The following SLC14A2 variants were observed in gnomAD, a reference collection of about 807,000 sequenced individuals.
The protein encoded by SLC14A2 is solute carrier family 14 member 2, also known as urea transporter 2.
A neutral mutation model predicts 104.6 loss-of-function variants in SLC14A2; 91 were observed. The observed-to-expected ratio is 0.87, with a 90% CI of 0.73 to 1.04. SLC14A2 has a LOEUF of 1.04. Among genes scored for constraint, SLC14A2 ranks in the 50% least tolerant of loss-of-function variants. SLC14A2 has a pLI of 0.00. For missense variants in SLC14A2, 1,189 were observed against 1,156.0 expected (o/e 1.03, Z -0.41); for synonymous variants, 476 against 466.4 (o/e 1.02, Z -0.27).
intron 1 of SLC14A2, among the ~76,000 whole-genome samples, chr18:45,222,667 A>G (rs940332244): frequency 6.8e-6 from 1 of 146,790 alleles, no homozygotes; most frequent in African/African-American, 2.6e-5. Context: ...AAGCTTATTC[A>G]AGGAAGAGTC....
intron 1 of SLC14A2, among the ~76,000 whole-genome samples, chr18:45,301,384 G>A (rs1461270595): frequency 6.6e-6 from 1 of 152,160 alleles, no homozygotes; most frequent in Non-Finnish European, 1.5e-5. Context: ...ACTTCCAGTG[G>A]AAAAAGACAA....
chr18:45,366,594 C>A (rs919354534), intron 1 of SLC14A2, among the ~76,000 whole-genome samples: 1 of 152,142 alleles, frequency 6.6e-6, no homozygotes, highest in Non-Finnish European at 1.5e-5. Context: ...CTCCTATCAC[C>A]CAGAAGCTGC....
chr18:45,200,505 T>C, the SLC14A2 span, among the ~76,000 whole-genome samples: 2 of 152,224 alleles, frequency 1.3e-5, no homozygotes, highest in Non-Finnish European at 2.9e-5. Context: ...GTATAAGTAA[T>C]GTCAATATTT....
At chr18:45,619,711 C>T (rs923610901) in intron 1 of SLC14A2, among the ~76,000 whole-genome samples, 2 of 151,748 alleles carry the variant, frequency 1.3e-5, no homozygotes, top group Non-Finnish European at 2.9e-5. Flanking sequence ...GGACGTGGCT[C>T]GGGCAGGGAT....
intron 1 of SLC14A2, among the ~76,000 whole-genome samples, chr18:45,239,218 G>A (rs898372890): frequency 6.6e-6 from 1 of 152,152 alleles, no homozygotes; most frequent in East Asian, 1.9e-4. Flanking sequence ...ATCCCCCCAA[G>A]TACCAAGTAA....
chr18:45,454,652 CTT>C (rs2086912485), intron 1 of SLC14A2, among the ~76,000 whole-genome samples: 1 of 152,154 alleles, frequency 6.6e-6, no homozygotes, highest in African/African-American at 2.4e-5. Flanking sequence ...ACATTTAAGT[CTT>C]TAATCCACCT....
intron 1 of SLC14A2, among the ~76,000 whole-genome samples, chr18:45,473,243 C>T (rs2264282): frequency 0.21 from 31,932 of 152,048 alleles, 3,769 homozygotes; most frequent in Non-Finnish European, 0.27. Flanking sequence ...TATATATCTG[C>T]TTTGGTACCA....
intron 2 of SLC14A2, among the ~76,000 whole-genome samples, chr18:45,483,823 C>T (rs2087542699): frequency 6.6e-6 from 1 of 152,130 alleles, no homozygotes; most frequent in Admixed American, 6.5e-5. Context: ...ACTGTTTTGC[C>T]AGGCATCGAT....
At chr18:45,241,379 T>C (rs1455618923) in intron 1 of SLC14A2, among the ~76,000 whole-genome samples, 1 of 152,132 alleles carries the variant, frequency 6.6e-6, no homozygotes, top group Non-Finnish European at 1.5e-5. Flanking sequence ...GCCAGTTAGG[T>C]AAGAGATGCT....
intron 1 of SLC14A2, among the ~76,000 whole-genome samples, chr18:45,293,701 T>C (rs1204624433): frequency 6.6e-6 from 1 of 152,234 alleles, no homozygotes; most frequent in Non-Finnish European, 1.5e-5. Context: ...AAGATGCCAG[T>C]GTGCAGTGTG....
intron 18 of SLC14A2, among the ~76,000 whole-genome samples, chr18:45,675,233 C>T (rs2046206676): frequency 6.6e-6 from 1 of 152,190 alleles, no homozygotes; most frequent in South Asian, 2.1e-4. Context: ...TTTAGACAGA[C>T]TACACAGTAA....
At chr18:45,289,675 G>A (rs1031649529) in intron 1 of SLC14A2, among the ~76,000 whole-genome samples, 13 of 152,158 alleles carry the variant, frequency 8.5e-5, no homozygotes, top group African/African-American at 3.1e-4. Flanking sequence ...TCTATCCCAA[G>A]CATGTGTGTT....
chr18:45,416,766 A>G (rs2086282301), intron 1 of SLC14A2, among the ~76,000 whole-genome samples: 1 of 152,232 alleles, frequency 6.6e-6, no homozygotes, highest in Non-Finnish European at 1.5e-5. Flanking sequence ...AGCTGCCATC[A>G]AAACCAGCAG....
At chr18:45,267,356 C>A (rs1217189514) in intron 1 of SLC14A2, among the ~76,000 whole-genome samples, 1 of 152,094 alleles carries the variant, frequency 6.6e-6, no homozygotes, top group Non-Finnish European at 1.5e-5. Context: ...ATTTTCTGAG[C>A]TCCCACCCTT....
chr18:45,173,632 T>G, the SLC14A2 span, among the ~76,000 whole-genome samples: 1 of 152,134 alleles, frequency 6.6e-6, no homozygotes, highest in South Asian at 2.1e-4. Context: ...AGTGGCAACT[T>G]GGAAGGTTTT....
chr18:45,286,550 C>A (rs1189341336), intron 1 of SLC14A2, among the ~76,000 whole-genome samples: 1 of 152,198 alleles, frequency 6.6e-6, no homozygotes, highest in East Asian at 1.9e-4. Context: ...CTAAAGGTGG[C>A]TGCATTAATT....
At chr18:45,401,815 C>A (rs74659519) in intron 1 of SLC14A2, among the ~76,000 whole-genome samples, 5,157 of 152,188 alleles carry the variant, frequency 0.034, 290 homozygotes, top group African/African-American at 0.12. Flanking sequence ...TGGAGATACA[C>A]TCCCTAAGAC....
intron 2 of SLC14A2, among the ~76,000 whole-genome samples, chr18:45,499,348 A>G (rs1416804424): frequency 6.6e-6 from 1 of 152,242 alleles, no homozygotes; most frequent in South Asian, 2.1e-4. Flanking sequence ...CTATGATGTC[A>G]TGTGGCTGAT....
At chr18:45,215,359 T>C (rs1333718409) in intron 1 of SLC14A2, among the ~76,000 whole-genome samples, 1 of 152,208 alleles carries the variant, frequency 6.6e-6, no homozygotes, top group Non-Finnish European at 1.5e-5. Flanking sequence ...TAGTCAACTT[T>C]TAAGATTGTC....
Sources: gnomAD v4.1 joint callset for allele counts (sites outside exome capture counted in the v4.1 genomes callset) on GRCh38, gnomAD v4.1.1 for gene constraint, MANE v1.5 for transcripts, NCBI Gene and HGNC (gene_info 2026-07-23, HGNC 2026-07-21) for gene names.